Variants in ERBB4 observed in about 807,000 individuals in gnomAD.
The protein encoded by ERBB4 is receptor tyrosine-protein kinase erbB-4.
A neutral mutation model predicts 158.0 loss-of-function variants in ERBB4; 42 were observed. The ratio of observed to expected loss-of-function variants is 0.27; its 90% confidence interval spans 0.21 to 0.34. The LOEUF (loss-of-function observed/expected upper bound fraction) is 0.34, where lower values mean the gene tolerates loss of function less well. Ranked by LOEUF, ERBB4 falls within the 10% of genes least tolerant of loss-of-function variation. ERBB4 has a pLI of 1.00. For missense variants in ERBB4, 1,333 were observed against 1,624.1 expected, an observed-to-expected ratio of 0.82 and a Z score of 3.08; for synonymous variants, 583 against 558.7, an observed-to-expected ratio of 1.04 and a Z score of -0.61.
intron 2 of ERBB4, among the ~76,000 whole-genome samples, chr2:211,961,145 C>T (rs914346553): frequency 2.0e-5 from 3 of 151,964 alleles, no homozygotes; most frequent in Non-Finnish European, 2.9e-5. Flanking sequence ...GCATCATTGG[C>T]TAGTAATTGC....
intron 1 of ERBB4, among the ~76,000 whole-genome samples, chr2:212,195,471 T>C (rs549958402): frequency 1.4e-5 from 2 of 145,896 alleles, no homozygotes; most frequent in Non-Finnish European, 3.1e-5. Context: ...AGGCTATTTT[T>C]AAATTTAAAT....
At chr2:211,950,392 T>A (rs969534757) in intron 2 of ERBB4, among the ~76,000 whole-genome samples, 2 of 152,156 alleles carry the variant, frequency 1.3e-5, no homozygotes, top group African/African-American at 4.8e-5. Flanking sequence ...CTGGAGCCAC[T>A]TCTCTCCATG....
chr2:212,068,488 C>T (rs910703515), intron 2 of ERBB4, among the ~76,000 whole-genome samples: 19 of 152,018 alleles, frequency 1.2e-4, no homozygotes, highest in Non-Finnish European at 2.5e-4. Flanking sequence ...GGAAAGATAA[C>T]AGCCAATTTC....
intron 1 of ERBB4, among the ~76,000 whole-genome samples, chr2:212,369,820 T>C (rs2090023747): frequency 6.6e-6 from 1 of 150,780 alleles, no homozygotes; most frequent in African/African-American, 2.5e-5. Flanking sequence ...AGCCTCACAA[T>C]AGCTAGGATT....
At chr2:211,694,566 T>TTA (rs1268214323) in intron 12 of ERBB4, among the ~76,000 whole-genome samples, 1 of 151,892 alleles carries the variant, frequency 6.6e-6, no homozygotes, top group African/African-American at 2.4e-5. Flanking sequence ...GAATGCTTTT[T>TTA]TTTTTTTACA....
intron 1 of ERBB4, among the ~76,000 whole-genome samples, chr2:212,527,307 T>C (rs1314957833): frequency 6.6e-6 from 1 of 152,172 alleles, no homozygotes; most frequent in African/African-American, 2.4e-5. Context: ...TACTTTACAG[T>C]GTGATTTTAC....
rs971054592 is a variant in ERBB4 at position 211,571,939 on chromosome 2, A to T, written c.2302-9851T>A. Among the ~76,000 whole-genome samples the T allele has an allele frequency of 1.7e-4, 26 of 149,770 alleles. 1 individual carries two copies. The highest frequency in any genetic ancestry group is 6.3e-4 in the African/African-American group (26 of 40,954). Reference sequence around the variant, plus strand: ...ACGAGCTTGCCTGCTTTACTTTACTATTTTTTTTTTAATTTCAGAAACATT... The same window carrying T: ...ACGAGCTTGCCTGCTTTACTTTACTTTTTTTTTTTTAATTTCAGAAACATT... On this transcript the variant is annotated intron_variant, in intron 19 of 27. Transcript: ENST00000342788.
intron 1 of ERBB4, among the ~76,000 whole-genome samples, chr2:212,237,290 G>A (rs775888883): frequency 1.7e-4 from 26 of 152,106 alleles, no homozygotes; most frequent in Non-Finnish European, 3.1e-4. Context: ...TGATGTTGAC[G>A]CTATTCCTTT....
chr2:211,946,576 C>CTT (rs56007115), intron 3 of ERBB4, among the ~76,000 whole-genome samples: 6,859 of 49,704 alleles, frequency 0.14, 1,513 homozygotes, highest in East Asian at 0.26. Context: ...AATTAGCTCT[C>CTT]TTTTTTTTTT....
chr2:211,944,191 A>AGTG (rs375372700), intron 3 of ERBB4, among the ~76,000 whole-genome samples: 8,190 of 86,060 alleles, frequency 0.095, 603 homozygotes, highest in Non-Finnish European at 0.12. Flanking sequence ...ATATATATAT[A>AGTG]TATATATACT....
chr2:211,549,282 G>A (rs1395507740), intron 20 of ERBB4, among the ~76,000 whole-genome samples: 2 of 152,052 alleles, frequency 1.3e-5, no homozygotes, highest in Admixed American at 1.3e-4. Flanking sequence ...AGCAATGGAG[G>A]TGGGAACATA....
At position 211,515,344 on chromosome 2, in the gene ERBB4, T is replaced by C. The variant is rs570838219; in HGVS notation, c.2487+46559A>G. ...CCATTAGAACACACTGTTGGATGAA[T>C]TCTGGCAAGAAGATGATGGTTTAAA... is the stretch of plus-strand genomic sequence containing the variant. On this transcript the variant is annotated intron_variant, in intron 20 of 27. Coordinates refer to ENST00000342788, the MANE Select transcript of ERBB4 (RefSeq NM_005235.3). Among the ~76,000 whole-genome samples the C allele has an allele frequency of 4.6e-5, 7 of 152,204 alleles. No homozygotes were observed. In the South Asian group the frequency reaches 1.0e-3, roughly 22 times the overall value.
intron 19 of ERBB4, among the ~76,000 whole-genome samples, chr2:211,609,647 ATCT>A (rs2125829405): frequency 6.6e-6 from 1 of 152,270 alleles, no homozygotes; most frequent in South Asian, 2.1e-4. Context: ...CACTCAAGTG[ATCT>A]TCTCACCTCA....
At chr2:212,231,574 G>C (rs940529450) in intron 1 of ERBB4, among the ~76,000 whole-genome samples, 34 of 152,148 alleles carry the variant, frequency 2.2e-4, no homozygotes, top group African/African-American at 8.2e-4. Context: ...GACTGCCAAG[G>C]TTTATTCTGA....
chr2:212,422,797 A>G (rs778890624), intron 1 of ERBB4, among the ~76,000 whole-genome samples: 8 of 152,210 alleles, frequency 5.3e-5, no homozygotes, highest in Non-Finnish European at 1.2e-4. Context: ...TTACCAAGTT[A>G]GAAATTAGTG....
chr2:211,519,264 A>G (rs2066125708), intron 20 of ERBB4, among the ~76,000 whole-genome samples: 1 of 152,174 alleles, frequency 6.6e-6, no homozygotes, highest in Non-Finnish European at 1.5e-5. Context: ...ATTTAAGGTA[A>G]TTATAGCCCA....
intron 3 of ERBB4, among the ~76,000 whole-genome samples, chr2:211,914,292 C>T (rs1008840510): frequency 5.3e-5 from 8 of 150,440 alleles, no homozygotes; most frequent in Non-Finnish European, 1.0e-4. Context: ...CTTCTCTTTG[C>T]TGTCACATGA....
chr2:211,771,987 T>A (rs571165396), intron 4 of ERBB4, among the ~76,000 whole-genome samples: 1 of 152,298 alleles, frequency 6.6e-6, no homozygotes, highest in African/African-American at 2.4e-5. Context: ...TTAAACTATA[T>A]AAACCCACAA....
rs986486076 is a variant in ERBB4 at position 211,383,907 on chromosome 2, A to G, written c.3635T>C (p.Phe1212Ser). Residue 1212 changes from phenylalanine to serine, a missense_variant, in exon 28 of 28, where the codon TTT (phenylalanine) becomes TCT (serine). Physicochemically the swap from Phe to Ser is radical, Grantham distance 155. Around this residue, in one of 5 missense-constraint regions of ERBB4, gnomAD observed 252 missense variants for 241.3 expected, o/e 1.04. Transcript: ENST00000342788. ...CTCAGCTTTTCCCAAGGTGTTGGCA[A>G]AGGTGTTGAGGTACAGTGGCTCATT... The part of the protein sequence containing the change: ...YVNEPLYLNT[F>S]ANTLGKAEYL... The G allele has an allele frequency of 3.1e-6, 5 of 1,614,068 alleles. No individual in the cohort carries two copies. The highest frequency in any genetic ancestry group is 3.3e-4 in the Middle Eastern group (2 of 6,062).
Sources: allele counts gnomAD v4.1 joint callset (sites outside exome capture counted in the v4.1 genomes callset), GRCh38; gene constraint gnomAD v4.1.1; regional missense constraint gnomAD v4.1.1; transcripts MANE v1.5; gene names NCBI Gene and HGNC (gene_info 2026-07-23, HGNC 2026-07-21).